PITPNC1: variants seen among roughly 807,000 people sequenced by gnomAD.
The protein encoded by PITPNC1 is phosphatidylinositol transfer protein cytoplasmic 1.
Under a neutral mutation model 44.7 loss-of-function variants are expected in PITPNC1, and 18 were observed. The ratio of observed to expected loss-of-function variants is 0.40; its 90% CI spans 0.28 to 0.60. The LOEUF is 0.60. Among genes scored for constraint, PITPNC1 ranks in the 20% least tolerant of loss-of-function variants. The pLI, the probability that PITPNC1 is intolerant of heterozygous loss-of-function variation, is 0.39. For synonymous variants in PITPNC1, 141 were observed against 149.6 expected, an observed-to-expected ratio of 0.94 and a Z score of 0.42; for missense variants, 290 against 418.4, an observed-to-expected ratio of 0.69 and a Z score of 2.68.
chr17:67,510,799 C>G lies in PITPNC1; in HGVS notation c.49-22003C>G, dbSNP rs140143756. On this transcript the variant is annotated intron_variant, in intron 1 of 8. Transcript: ENST00000581322. ...TTTTTAGTAGAGCAACCTCTGTTAC[C>G]GCCCTTGTGGATAAAGACTCCCGGG... is the stretch of plus-strand genomic sequence containing the variant. 9.9e-5 allele frequency among the ~76,000 whole-genome samples: 15 copies of G among 152,094 alleles called. No individual in the cohort carries two copies. In the East Asian group the frequency reaches 2.7e-3, roughly 28 times the overall value.
chr17:67,681,928 T>C (rs1302840173), intron 8 of PITPNC1, among the ~76,000 whole-genome samples: 4 of 152,174 alleles, frequency 2.6e-5, no homozygotes, highest in Non-Finnish European at 4.4e-5. Context: ...CCAGGTGCAG[T>C]GGTTCATGCC....
rs147470674 is a variant in PITPNC1 at position 67,409,688 on chromosome 17, G to A, written c.48+31486G>A. 9.2e-5 allele frequency among the ~76,000 whole-genome samples: 14 copies of A among 152,018 alleles called. 1 individual carries two copies. The East Asian group carries it at 2.5e-3, about 27-fold the overall frequency. On this transcript the variant is annotated intron_variant, in intron 1 of 8. Coordinates refer to ENST00000581322, the MANE Select transcript of PITPNC1 (RefSeq NM_012417.4). ...CAAGTAGCTGGGATTACAAGTGCAC[G>A]CCACCACGCCCAGCTAATTTTGTAT...
rs1292871069 is a variant in PITPNC1 at position 67,377,649 on chromosome 17, G to T, written c.-506G>T. On this transcript the variant is annotated 5_prime_UTR_variant, in exon 1 of 9. Coordinates refer to ENST00000581322, the MANE Select transcript of PITPNC1 (RefSeq NM_012417.4). The stretch of plus-strand genomic sequence containing the variant: ...TGGAAAGTCAGCATCTCCGGCTCCG[G>T]CTGCAATGTGTTCCTGGTGACATTA... The T allele has an allele frequency of 6.6e-6, 1 of 152,616 alleles. No individual in the cohort carries two copies. Among genetic ancestry groups the T allele is most frequent in the Admixed American group, 6.5e-5 (1 of 15,288 alleles). 9.5% of individuals were successfully genotyped at this position (152,616 alleles called of 1,614,324 possible).
At chr17:67,419,172 G>GA (rs34975055) in intron 1 of PITPNC1, among the ~76,000 whole-genome samples, 12 of 148,470 alleles carry the variant, frequency 8.1e-5, no homozygotes, top group East Asian at 2.0e-4. Context: ...GAGGAAGGGA[G>GA]AAAAAAAAAA....
chr17:67,409,136 C>T (rs1432818139), intron 1 of PITPNC1, among the ~76,000 whole-genome samples: 2 of 136,308 alleles, frequency 1.5e-5, no homozygotes, highest in Non-Finnish European at 3.0e-5. Flanking sequence ...GGACTGCGGA[C>T]TGCAGTGGCG....
chr17:67,622,100 A>G (rs2041837014), intron 5 of PITPNC1, among the ~76,000 whole-genome samples: 2 of 152,132 alleles, frequency 1.3e-5, no homozygotes, highest in African/African-American at 4.8e-5. Context: ...TACTAAAAAT[A>G]CAAAAAATTA....
chr17:67,502,154 A>T (rs1266528623), intron 1 of PITPNC1, among the ~76,000 whole-genome samples: 1 of 136,778 alleles, frequency 7.3e-6, no homozygotes, highest in African/African-American at 2.5e-5. Context: ...CAGCAAAGTA[A>T]TAAGATGAAA....
intron 1 of PITPNC1, among the ~76,000 whole-genome samples, chr17:67,521,604 A>T (rs2040325981): frequency 6.6e-6 from 1 of 151,226 alleles, no homozygotes. Flanking sequence ...TCCTGTCTAC[A>T]TGGAGAAATC....
rs34611864 is a variant in PITPNC1, at chr17:67,650,441, C to CTTTTTT, written c.462+18223_462+18228dup. On this transcript the variant is annotated intron_variant, in intron 6 of 8. Transcript: ENST00000581322. ...CATCCTGGGGGCTAGAAACCATAGG[C>CTTTTTT]TTTTTTTTTTTTTTTTTTTTTTTTT... Among the ~76,000 whole-genome samples the CTTTTTT allele has an allele frequency of 2.3e-3, 165 of 70,978 alleles. 2 individuals are homozygous for CTTTTTT. The highest frequency in any genetic ancestry group is 2.6e-3 in the African/African-American group (39 of 15,224). 46.6% of individuals were successfully genotyped at this position (70,978 alleles called of 152,430 possible).
At chr17:67,647,708 A>G (rs1211991316) in intron 6 of PITPNC1, among the ~76,000 whole-genome samples, 2 of 151,992 alleles carry the variant, frequency 1.3e-5, no homozygotes, top group Non-Finnish European at 1.5e-5. Context: ...TCACTTTAGC[A>G]TCCACACGAT....
chr17:67,653,331 G>A (rs554201334), intron 6 of PITPNC1, among the ~76,000 whole-genome samples: 32 of 152,192 alleles, frequency 2.1e-4, no homozygotes, highest in Admixed American at 1.6e-3. Context: ...GAGGGAAGAC[G>A]ATATGAAGAT....
intron 1 of PITPNC1, among the ~76,000 whole-genome samples, chr17:67,491,838 C>T (rs985454971): frequency 3.3e-5 from 5 of 151,958 alleles, no homozygotes; most frequent in African/African-American, 9.7e-5. Flanking sequence ...CTCAAAACAA[C>T]GACAAAACCA....
At chr17:67,488,545 T>G (rs1253461954) in intron 1 of PITPNC1, among the ~76,000 whole-genome samples, 1 of 152,256 alleles carries the variant, frequency 6.6e-6, no homozygotes, top group Non-Finnish European at 1.5e-5. Context: ...GGGCCACATG[T>G]GGGCTCTTTT....
At chr17:67,510,294 AG>A (rs1467077495) in intron 1 of PITPNC1, among the ~76,000 whole-genome samples, 1 of 152,186 alleles carries the variant, frequency 6.6e-6, no homozygotes, top group African/African-American at 2.4e-5. Context: ...TGGGAATCAG[AG>A]CCCCCTCTGG....
chr17:67,556,618 A>G (rs2040841532), intron 4 of PITPNC1, among the ~76,000 whole-genome samples: 1 of 152,196 alleles, frequency 6.6e-6, no homozygotes, highest in South Asian at 2.1e-4. Context: ...TGCAATTGAC[A>G]TGCCATAGGA....
intron 5 of PITPNC1, among the ~76,000 whole-genome samples, chr17:67,585,533 T>C (rs1019765731): frequency 6.6e-6 from 1 of 152,116 alleles, no homozygotes; most frequent in African/African-American, 2.4e-5. Flanking sequence ...CTGGGTGTGG[T>C]GGCTCACAGC....
chr17:67,458,486 TATA>T (rs2039287328), intron 1 of PITPNC1, among the ~76,000 whole-genome samples: 1 of 152,198 alleles, frequency 6.6e-6, no homozygotes, highest in Non-Finnish European at 1.5e-5. Context: ...ATTTTAAAAT[TATA>T]ATATTTATTT....
intron 5 of PITPNC1, among the ~76,000 whole-genome samples, chr17:67,592,509 A>ATTG (rs2144258808): frequency 6.6e-6 from 1 of 152,390 alleles, no homozygotes; most frequent in African/African-American, 2.4e-5. Flanking sequence ...AGATGGAAAA[A>ATTG]TAAAAGTCAA....
intron 5 of PITPNC1, among the ~76,000 whole-genome samples, chr17:67,622,907 C>T (rs2952456): frequency 6.6e-6 from 1 of 151,692 alleles, no homozygotes; most frequent in Admixed American, 6.6e-5. Context: ...CATGAACCAA[C>T]ACTAGACCCA....
Sources: gnomAD v4.1 joint callset for allele counts (sites outside exome capture counted in the v4.1 genomes callset) on GRCh38, gnomAD v4.1.1 for gene constraint, MANE v1.5 for transcripts, NCBI Gene and HGNC (gene_info 2026-07-23, HGNC 2026-07-21) for gene names.